Variants in GABRG3 observed in about 807,000 individuals in gnomAD.
GABRG3 encodes gamma-aminobutyric acid type A receptor subunit gamma3, also known as gamma-aminobutyric acid receptor subunit gamma-3.
A neutral mutation model predicts 48.8 loss-of-function variants in GABRG3; 25 were observed. The observed-to-expected ratio is 0.51, with a 90% CI of 0.37 to 0.72. GABRG3 has a LOEUF of 0.72. Ranked by LOEUF, GABRG3 falls within the 30% of genes least tolerant of loss-of-function variation. The pLI, the probability that GABRG3 is intolerant of heterozygous loss-of-function variation, is 0.00. For missense variants in GABRG3, 394 were observed against 577.9 expected, an observed-to-expected ratio of 0.68 and a Z score of 3.26; for synonymous variants, 227 against 217.6, an observed-to-expected ratio of 1.04 and a Z score of -0.38.
chr15:27,522,896 G>A (rs1331268961), intron 7 of GABRG3, among the ~76,000 whole-genome samples: 1 of 151,726 alleles, frequency 6.6e-6, no homozygotes, highest in Admixed American at 6.6e-5. Context: ...ACACAAACAA[G>A]CACATTTGTC....
chr15:27,496,544 G>A (rs1357381027), intron 6 of GABRG3, among the ~76,000 whole-genome samples: 1 of 152,148 alleles, frequency 6.6e-6, no homozygotes, highest in Non-Finnish European at 1.5e-5. Context: ...TAATCTTCAT[G>A]TCTTTCCTCG....
At chr15:27,088,526 C>G (rs1191858448) in intron 3 of GABRG3, among the ~76,000 whole-genome samples, 1 of 152,106 alleles carries the variant, frequency 6.6e-6, no homozygotes, top group Non-Finnish European at 1.5e-5. Flanking sequence ...GAAGAACTAT[C>G]TGAGACTGGG....
At chr15:27,311,394 A>G (rs1006389376) in intron 3 of GABRG3, among the ~76,000 whole-genome samples, 2 of 151,994 alleles carry the variant, frequency 1.3e-5, no homozygotes, top group African/African-American at 4.8e-5. Flanking sequence ...CCAGAACCCC[A>G]CTTTGCTGGG....
At chr15:27,122,936 G>T (rs1001594177) in intron 3 of GABRG3, among the ~76,000 whole-genome samples, 1 of 152,200 alleles carries the variant, frequency 6.6e-6, no homozygotes, top group African/African-American at 2.4e-5. Flanking sequence ...TTTCAGGAAG[G>T]TTAGGGTGGT....
chr15:27,042,248 T>G (rs2140700327), intron 3 of GABRG3, among the ~76,000 whole-genome samples: 1 of 152,268 alleles, frequency 6.6e-6, no homozygotes, highest in Non-Finnish European at 1.5e-5. Flanking sequence ...CCACCCTTCG[T>G]TCCTCTAAAG....
chr15:26,996,636 A>T (rs1895345245), intron 2 of GABRG3, among the ~76,000 whole-genome samples: 1 of 149,542 alleles, frequency 6.7e-6, no homozygotes, highest in Non-Finnish European at 1.5e-5. Flanking sequence ...TTATTTATTT[A>T]TTTATTTATT....
chr15:27,522,544 G>A lies in GABRG3; in HGVS notation c.865+2420G>A, dbSNP rs148529982. Among the ~76,000 whole-genome samples the A allele has an allele frequency of 2.2e-4, 33 of 151,882 alleles. No individual in the cohort carries two copies. In the East Asian group the frequency reaches 4.8e-3, roughly 22 times the overall value. ...AAAAATAAAATGTAAGCCATAAATA[G>A]CAATGAGGTTGGGGGACATATGGAA... On this transcript the variant is annotated intron_variant, in intron 7 of 9. Transcript: ENST00000615808.
intron 3 of GABRG3, among the ~76,000 whole-genome samples, chr15:27,209,618 G>T (rs1348975413): frequency 6.6e-6 from 1 of 152,184 alleles, no homozygotes; most frequent in Non-Finnish European, 1.5e-5. Context: ...TTGGGTGCTG[G>T]GCTGTGCCCA....
At chr15:27,199,148 C>G (rs17137663) in intron 3 of GABRG3, among the ~76,000 whole-genome samples, 1,801 of 152,028 alleles carry the variant, frequency 0.012, 50 homozygotes, top group African/African-American at 0.04. Context: ...CATATAAAAA[C>G]GAAAGAATTA....
At chr15:27,207,215 G>C (rs967883265) in intron 3 of GABRG3, among the ~76,000 whole-genome samples, 10 of 152,136 alleles carry the variant, frequency 6.6e-5, no homozygotes, top group African/African-American at 2.2e-4. Context: ...AGTGCCTTGG[G>C]CTCACCAACA....
chr15:27,369,991 G>A (rs538979764), intron 5 of GABRG3, among the ~76,000 whole-genome samples: 38 of 152,140 alleles, frequency 2.5e-4, no homozygotes, highest in African/African-American at 7.2e-4. Flanking sequence ...ACGTGGAAGC[G>A]TAGTAGGTTG....
intron 5 of GABRG3, among the ~76,000 whole-genome samples, chr15:27,461,634 C>G (rs939553632): frequency 6.6e-6 from 1 of 152,176 alleles, no homozygotes; most frequent in Admixed American, 6.5e-5. Context: ...CCGGTTGGTC[C>G]ATTTTACAGA....
At chr15:27,168,236 A>G (rs1370287050) in intron 3 of GABRG3, among the ~76,000 whole-genome samples, 1 of 152,128 alleles carries the variant, frequency 6.6e-6, no homozygotes, top group African/African-American at 2.4e-5. Context: ...GAATGTGCTC[A>G]TGCAGTGTGA....
chr15:27,300,679 A>C (rs534573487), intron 3 of GABRG3, among the ~76,000 whole-genome samples: 520 of 24,558 alleles, frequency 0.021, 2 homozygotes, highest in African/African-American at 0.097. Context: ...ATAAATAAGC[A>C]AAAAAAAAAA....
intron 5 of GABRG3, among the ~76,000 whole-genome samples, chr15:27,470,910 T>G (rs1889769557): frequency 8.2e-6 from 1 of 121,430 alleles, no homozygotes; most frequent in Admixed American, 7.8e-5. Context: ...TGGCTGTTTT[T>G]TTTGTTTGTT....
At chr15:27,454,487 G>A (rs568459032) in intron 5 of GABRG3, among the ~76,000 whole-genome samples, 4 of 152,262 alleles carry the variant, frequency 2.6e-5, no homozygotes, top group East Asian at 3.9e-4. Flanking sequence ...CTGGTGACAC[G>A]GGTGTGACTA....
chr15:27,040,319 G>C (rs1260714579), intron 3 of GABRG3, among the ~76,000 whole-genome samples: 1 of 152,228 alleles, frequency 6.6e-6, no homozygotes, highest in African/African-American at 2.4e-5. Context: ...TCAAATGGCT[G>C]GTCGTTGCAA....
At chr15:27,062,163 A>G (rs1479407606) in intron 3 of GABRG3, among the ~76,000 whole-genome samples, 1 of 152,120 alleles carries the variant, frequency 6.6e-6, no homozygotes, top group Non-Finnish European at 1.5e-5. Context: ...CCACAGGACT[A>G]TTGGCTGTGC....
intron 3 of GABRG3, among the ~76,000 whole-genome samples, chr15:27,189,423 T>G (rs1888218312): frequency 6.6e-6 from 1 of 152,174 alleles, no homozygotes; most frequent in Non-Finnish European, 1.5e-5. Context: ...GTTTATAGTT[T>G]TCCTTGAAGA....
Sources: gnomAD v4.1 joint callset for allele counts (sites outside exome capture counted in the v4.1 genomes callset) on GRCh38, gnomAD v4.1.1 for gene constraint, MANE v1.5 for transcripts, NCBI Gene and HGNC (gene_info 2026-07-23, HGNC 2026-07-21) for gene names.